Variants in DNAH14 observed in about 807,000 individuals in gnomAD.
The protein encoded by DNAH14 is axonemal beta dynein heavy chain 14.
A neutral mutation model predicts 520.9 loss-of-function variants in DNAH14; 478 were observed. The observed-to-expected ratio is 0.92, with a 90% CI of 0.85 to 0.99. The LOEUF is 0.99. DNAH14 is among the 50% of genes least tolerant of loss of function. DNAH14 has a pLI of 0.00. For synonymous variants in DNAH14, 1,581 were observed against 1,757.2 expected (o/e 0.90, Z 2.51); for missense variants, 4,831 against 5,234.5 (o/e 0.92, Z 2.38).
chr1:225,391,880 C>A (rs56244223), intron 83 of DNAH14, among the ~76,000 whole-genome samples: 1,664 of 152,224 alleles, frequency 0.011, 30 homozygotes, highest in African/African-American at 0.038. Context: ...TTCTCAGTGT[C>A]CATATGTCAT....
intron 41 of DNAH14, among the ~76,000 whole-genome samples, chr1:225,214,008 A>G (rs541428377): frequency 6.6e-6 from 1 of 152,254 alleles, no homozygotes; most frequent in Non-Finnish European, 1.5e-5. Context: ...GAATGCTTCC[A>G]GTTTTTGCCC....
At chr1:225,137,424 C>G (rs1173975671) in intron 27 of DNAH14, among the ~76,000 whole-genome samples, 1 of 152,120 alleles carries the variant, frequency 6.6e-6, no homozygotes, top group Admixed American at 6.5e-5. Flanking sequence ...GGTGCAATCT[C>G]AGCTCACTGC....
chr1:225,363,628 CT>C (rs1229668602), intron 75 of DNAH14, among the ~76,000 whole-genome samples: 1 of 152,170 alleles, frequency 6.6e-6, no homozygotes, highest in Non-Finnish European at 1.5e-5. Flanking sequence ...TGGTCCCTGA[CT>C]ATCCACAGGG....
At chr1:224,975,052 A>G (rs2061726171) in intron 8 of DNAH14, among the ~76,000 whole-genome samples, 1 of 152,112 alleles carries the variant, frequency 6.6e-6, no homozygotes, top group Non-Finnish European at 1.5e-5. Flanking sequence ...ATATTGAACC[A>G]GCCTTGCATC....
At chr1:224,947,994 G>A (rs767809261) in intron 1 of DNAH14, among the ~76,000 whole-genome samples, 2 of 151,812 alleles carry the variant, frequency 1.3e-5, no homozygotes, top group Non-Finnish European at 2.9e-5. Flanking sequence ...AAAATTATAT[G>A]TATTCTGCAC....
At chr1:225,118,778 G>T (rs2077062208) in intron 25 of DNAH14, among the ~76,000 whole-genome samples, 1 of 151,798 alleles carries the variant, frequency 6.6e-6, no homozygotes, top group Admixed American at 6.6e-5. Flanking sequence ...AGCTACTTGG[G>T]GGGCTGGGAC....
intron 41 of DNAH14, among the ~76,000 whole-genome samples, chr1:225,229,139 T>G (rs1271071195): frequency 1.3e-5 from 2 of 152,180 alleles, no homozygotes; most frequent in Admixed American, 6.5e-5. Context: ...AGGGCTGCAC[T>G]CTCTTGGCTG....
In DNAH14 at chr1:225,050,272, A is replaced by G; in HGVS notation, c.1975A>G (p.Met659Val). Residue 659 changes from methionine to valine, a missense_variant, in exon 16 of 86, where the codon ATG becomes GTG. Coordinates refer to ENST00000682510, the MANE Select transcript of DNAH14 (RefSeq NM_001367479.1). ...LSIFIDLVSIMDLPNKTGSII... is the reference protein window; with the variant it reads ...LSIFIDLVSIVDLPNKTGSII... ...TATCTTCATTGATTTGGTTTCAATA[A>G]TGGATTTACCTAATAAGACAGGAAG... The G allele has an allele frequency of 1.9e-6, 3 of 1,550,324 alleles. No homozygotes were observed. Among genetic ancestry groups the G allele is most frequent in the East Asian group, 2.4e-5 (1 of 40,862 alleles).
At chr1:225,193,438 C>T (rs1323356670) in intron 38 of DNAH14, among the ~76,000 whole-genome samples, 8 of 152,148 alleles carry the variant, frequency 5.3e-5, no homozygotes, top group South Asian at 4.1e-4. Flanking sequence ...ACCTGTAATC[C>T]CAGCTCCTCT....
chr1:225,178,780 CA>C (rs1189021384), intron 36 of DNAH14, among the ~76,000 whole-genome samples: 2 of 151,944 alleles, frequency 1.3e-5, no homozygotes, highest in African/African-American at 2.4e-5. Flanking sequence ...TGGGAGGGAC[CA>C]GGGGTGGAAT....
chr1:224,950,534 A>AT (rs1252276695), intron 1 of DNAH14, among the ~76,000 whole-genome samples: 20 of 151,640 alleles, frequency 1.3e-4, no homozygotes, highest in Admixed American at 9.9e-4. Context: ...AGCTCATTTA[A>AT]TTTTTTTTTA....
chr1:224,957,050 G>A (rs1349025409), intron 3 of DNAH14, among the ~76,000 whole-genome samples: 1 of 152,080 alleles, frequency 6.6e-6, no homozygotes, highest in Non-Finnish European at 1.5e-5. Flanking sequence ...TTAATATGAG[G>A]ATTTCTGTTT....
chr1:225,286,973 C>T (rs563420278), intron 54 of DNAH14, among the ~76,000 whole-genome samples: 4 of 152,172 alleles, frequency 2.6e-5, no homozygotes, highest in Admixed American at 1.3e-4. Context: ...TGAAAGAAGT[C>T]GGTCTGGAAA....
intron 37 of DNAH14, among the ~76,000 whole-genome samples, chr1:225,191,814 C>T (rs1195556565): frequency 6.6e-6 from 1 of 151,736 alleles, no homozygotes; most frequent in Admixed American, 6.6e-5. Flanking sequence ...CTTTTTTTAT[C>T]TGCTTAAATC....
rs184510866 is a variant in DNAH14, at chr1:225,173,986, T to C, written c.5535+5958T>C. Among the ~76,000 whole-genome samples, 569 of 152,232 alleles carry C rather than the reference T, an allele frequency of 3.7e-3. 5 individuals are homozygous for C. Among genetic ancestry groups the C allele is most frequent in the African/African-American group, 0.013 (523 of 41,536 alleles). ...GGGACATAGATGAAGCTGGAAACCA[T>C]CATTCTCAGCAAACTATCGCAAGGA... On this transcript the variant is annotated intron_variant, in intron 36 of 85. Coordinates refer to ENST00000682510, the MANE Select transcript of DNAH14 (RefSeq NM_001367479.1).
chr1:225,110,274 T>C (rs1043881871), intron 23 of DNAH14, among the ~76,000 whole-genome samples: 3 of 152,164 alleles, frequency 2.0e-5, no homozygotes, highest in African/African-American at 7.2e-5. Flanking sequence ...TCTTTAAATA[T>C]TTGGCAAAAT....
chr1:225,278,794 A>G (rs1196741568), intron 54 of DNAH14, among the ~76,000 whole-genome samples: 1 of 152,120 alleles, frequency 6.6e-6, no homozygotes, highest in Non-Finnish European at 1.5e-5. Context: ...GCTCAATTCT[A>G]AAATGCCTGA....
In DNAH14 at chr1:225,073,130, G is replaced by A. The variant is rs148736519; in HGVS notation, c.2425-6077G>A. Among the ~76,000 whole-genome samples, 1,017 of 152,288 alleles carry A rather than the reference G, an allele frequency of 6.7e-3. 8 individuals carry two copies. Among genetic ancestry groups the A allele is most frequent in the African/African-American group, 0.023 (946 of 41,564 alleles). ...TGTCAGCCAGAGAACACCAGTGGTG[G>A]TAGCCAGAGACCCCAGTTGGGAGGC... On this transcript the variant is annotated intron_variant, in intron 17 of 85. Transcript: ENST00000682510.
intron 44 of DNAH14, among the ~76,000 whole-genome samples, chr1:225,257,522 C>T (rs2092779517): frequency 6.6e-6 from 1 of 151,646 alleles, no homozygotes; most frequent in Non-Finnish European, 1.5e-5. Flanking sequence ...TAGCCATGTA[C>T]TTTTCTTTTC....
Sources: gnomAD v4.1 joint callset for allele counts (sites outside exome capture counted in the v4.1 genomes callset) on GRCh38, gnomAD v4.1.1 for gene constraint, MANE v1.5 for transcripts, NCBI Gene and HGNC (gene_info 2026-07-23, HGNC 2026-07-21) for gene names.